Variants in KCNQ5 observed in about 807,000 individuals in gnomAD.
The protein encoded by KCNQ5 is potassium voltage-gated channel subfamily KQT member 5.
KCNQ5 carries 30 observed loss-of-function variants against 98.2 expected under a neutral mutation model. That is an observed-to-expected ratio of 0.31 (90% CI 0.23 to 0.41). The LOEUF (loss-of-function observed/expected upper bound fraction) is 0.41. KCNQ5 is among the 10% of genes least tolerant of loss of function. KCNQ5 has a pLI of 1.00. For missense variants in KCNQ5, 835 were observed against 1,182.5 expected (o/e 0.71, Z 4.31); for synonymous variants, 458 against 449.4 (o/e 1.02, Z -0.24).
At chr6:72,632,268 G>A (rs1474159606) in intron 1 of KCNQ5, among the ~76,000 whole-genome samples, 1 of 151,132 alleles carries the variant, frequency 6.6e-6, no homozygotes, top group Non-Finnish European at 1.5e-5. Flanking sequence ...CTCCCAAGTA[G>A]CAGGGACTAC....
chr6:72,834,688 T>C (rs1185766415), intron 1 of KCNQ5, among the ~76,000 whole-genome samples: 2 of 152,172 alleles, frequency 1.3e-5, no homozygotes, highest in Non-Finnish European at 2.9e-5. Flanking sequence ...TTCCTTCTTT[T>C]ACGTGGAAAT....
intron 7 of KCNQ5, among the ~76,000 whole-genome samples, chr6:73,117,082 T>C (rs1775536016): frequency 6.6e-6 from 1 of 152,236 alleles, no homozygotes; most frequent in Non-Finnish European, 1.5e-5. Flanking sequence ...ATTTTGCTTC[T>C]TGTTGATTTG....
intron 1 of KCNQ5, among the ~76,000 whole-genome samples, chr6:72,814,735 T>G (rs1169666291): frequency 6.6e-6 from 1 of 152,232 alleles, no homozygotes; most frequent in African/African-American, 2.4e-5. Context: ...TATCATCTTG[T>G]TAATTGTCAA....
intron 2 of KCNQ5, among the ~76,000 whole-genome samples, chr6:73,010,869 TTAATAAGACA>T (rs1231515317): frequency 6.6e-6 from 1 of 151,978 alleles, no homozygotes; most frequent in Non-Finnish European, 1.5e-5. Flanking sequence ...CTGAAATAAA[TTAATAAGACA>T]TAAATAAATG....
intron 1 of KCNQ5, among the ~76,000 whole-genome samples, chr6:72,881,672 T>C (rs1428971226): frequency 6.6e-6 from 1 of 152,062 alleles, no homozygotes; most frequent in Non-Finnish European, 1.5e-5. Flanking sequence ...AGTCAGGGAA[T>C]AGATTATATT....
At chr6:72,992,714 G>A (rs1351459057) in intron 1 of KCNQ5, among the ~76,000 whole-genome samples, 1 of 99,926 alleles carries the variant, frequency 1.0e-5, no homozygotes, top group African/African-American at 5.1e-5. Context: ...GATGTTAGCT[G>A]GTGATTTTGC....
intron 6 of KCNQ5, among the ~76,000 whole-genome samples, chr6:73,106,263 AT>A (rs1347108699): frequency 6.6e-6 from 1 of 152,140 alleles, no homozygotes; most frequent in Non-Finnish European, 1.5e-5. Context: ...CCAACTTGAG[AT>A]TCACCAGATC....
At chr6:72,658,883 C>T (rs1180582064) in intron 1 of KCNQ5, among the ~76,000 whole-genome samples, 1 of 152,026 alleles carries the variant, frequency 6.6e-6, no homozygotes. Context: ...CCCAGCCTAC[C>T]CAAATATATT....
chr6:72,668,352 C>T (rs972029901), intron 1 of KCNQ5, among the ~76,000 whole-genome samples: 2 of 152,044 alleles, frequency 1.3e-5, no homozygotes, highest in East Asian at 1.9e-4. Flanking sequence ...GATGAGAAAA[C>T]GGAATTTCTG....
At chr6:73,108,349 G>C (rs1297838003) in intron 6 of KCNQ5, among the ~76,000 whole-genome samples, 2 of 152,166 alleles carry the variant, frequency 1.3e-5, no homozygotes, top group Non-Finnish European at 2.9e-5. Flanking sequence ...CATTGATGAA[G>C]AAATTGAGTT....
intron 1 of KCNQ5, among the ~76,000 whole-genome samples, chr6:72,645,684 A>G (rs1765565574): frequency 6.6e-6 from 1 of 152,064 alleles, no homozygotes; most frequent in Non-Finnish European, 1.5e-5. Flanking sequence ...GGGCCCACTC[A>G]GAGTTCTTGG....
intron 10 of KCNQ5, chr6:73,157,602 C>T (rs2150488999): frequency 3.9e-6 from 3 of 770,798 alleles, no homozygotes; most frequent in Non-Finnish European, 7.3e-6. Flanking sequence ...GCGGCGGCAA[C>T]GGTAGTGGCA....
intron 1 of KCNQ5, among the ~76,000 whole-genome samples, chr6:72,874,105 G>A (rs74950330): frequency 6.6e-5 from 10 of 151,938 alleles, no homozygotes; most frequent in African/African-American, 2.4e-4. Context: ...TATCCTTTAA[G>A]CATTAAAAAC....
chr6:72,962,934 A>T (rs886512225), intron 1 of KCNQ5, among the ~76,000 whole-genome samples: 4 of 152,206 alleles, frequency 2.6e-5, no homozygotes, highest in Non-Finnish European at 4.4e-5. Flanking sequence ...GACACTCTTG[A>T]TTCTTTATTT....
At position 73,101,350 on chromosome 6, in the gene KCNQ5, AC is replaced by A. The variant is rs749107318; in HGVS notation, c.919-3906del. On this transcript the variant is annotated intron_variant, in intron 5 of 13. Coordinates refer to ENST00000370398, the MANE Select transcript of KCNQ5 (RefSeq NM_019842.4). ...TGGTTCCTCCTATATTTAGAACACA[AC>A]AAAGATGCTCATTTTCACCACTGTT... Among the ~76,000 whole-genome samples the A allele has an allele frequency of 3.3e-5, 5 of 152,300 alleles. No homozygotes were observed. The East Asian group carries it at 5.8e-4, about 18-fold the overall frequency.
intron 10 of KCNQ5, among the ~76,000 whole-genome samples, chr6:73,145,867 A>G (rs1215459023): frequency 6.6e-6 from 1 of 152,228 alleles, no homozygotes; most frequent in Non-Finnish European, 1.5e-5. Flanking sequence ...AGAAACTTAC[A>G]GTCATGTCAG....
chr6:72,839,151 A>T (rs2150131423), intron 1 of KCNQ5, among the ~76,000 whole-genome samples: 2 of 129,314 alleles, frequency 1.5e-5, no homozygotes, highest in Non-Finnish European at 3.3e-5. Flanking sequence ...ATTTTTCTGG[A>T]CTGTGTATTT....
intron 11 of KCNQ5, among the ~76,000 whole-genome samples, chr6:73,171,525 A>G (rs1435933664): frequency 6.6e-6 from 1 of 152,218 alleles, no homozygotes; most frequent in Non-Finnish European, 1.5e-5. Context: ...CAATATGATA[A>G]CCACTGGCTA....
intron 1 of KCNQ5, among the ~76,000 whole-genome samples, chr6:72,698,351 G>T (rs936889725): frequency 1.3e-5 from 2 of 151,994 alleles, no homozygotes; most frequent in Non-Finnish European, 2.9e-5. Flanking sequence ...TTACAGGCGT[G>T]TGCCACCACG....
Sources: gnomAD v4.1 joint callset for allele counts (sites outside exome capture counted in the v4.1 genomes callset) on GRCh38, gnomAD v4.1.1 for gene constraint, MANE v1.5 for transcripts, NCBI Gene and HGNC (gene_info 2026-07-23, HGNC 2026-07-21) for gene names.